The following PEAR1 variants were observed in gnomAD, a reference collection of about 807,000 sequenced individuals.
The protein encoded by PEAR1 is multiple EGF-like domains protein 12.
A neutral mutation model predicts 131.2 loss-of-function variants in PEAR1; 113 were observed. That is an observed-to-expected ratio of 0.86 (90% CI 0.74 to 1.01). PEAR1 has a LOEUF of 1.01. Among genes scored for constraint, PEAR1 ranks in the 50% least tolerant of loss-of-function variants. The pLI, the probability that PEAR1 is intolerant of heterozygous loss-of-function variation, is 0.00. For synonymous variants in PEAR1, 565 were observed against 523.3 expected (o/e 1.08, Z -1.09); for missense variants, 1,408 against 1,391.1 (o/e 1.01, Z -0.19).
chr1:156,897,635 G>A (rs950687408), intron 1 of PEAR1, among the ~76,000 whole-genome samples: 3 of 152,258 alleles, frequency 2.0e-5, no homozygotes, highest in Non-Finnish European at 4.4e-5. Flanking sequence ...TTGAGGCCAC[G>A]CGGGTCTGTG....
At position 156,910,653 on chromosome 1, in the gene PEAR1, C is replaced by T; in HGVS notation, c.1861C>T (p.Pro621Ser). The part of the protein sequence containing the change: ...QPGRYGKRCV[P>S]CKCANHSFCH... ...TGGCCGCTATGGCAAACGCTGTGTGCCCTGCAAGTGCGCTAACCACTCCTT... is the reference window on the plus strand; with the variant it reads ...TGGCCGCTATGGCAAACGCTGTGTGTCCTGCAAGTGCGCTAACCACTCCTT... The change falls in exon 15 of 23, where the codon CCC (proline) becomes TCC (serine). Residue 621 changes from proline to serine, a missense_variant. Transcript: ENST00000292357. 3 of 1,614,136 alleles carry T rather than the reference C, an allele frequency of 1.9e-6. No individual in the cohort carries two copies. Among genetic ancestry groups the T allele is most frequent in the Non-Finnish European group, 2.5e-6 (3 of 1,180,036 alleles).
intron 4 of PEAR1, 142 bp from the exon 5 acceptor site, chr1:156,906,134 C>A: frequency 1.5e-6 from 1 of 667,554 alleles, no homozygotes; most frequent in Non-Finnish European, 2.6e-6. Flanking sequence ...TGCTGCCCCT[C>A]AGTCTTTATC....
chr1:156,908,640 C>A lies in PEAR1; in HGVS notation c.1116-15C>A, dbSNP rs992998880. The A allele has an allele frequency of 6.6e-7, 1 of 1,512,284 alleles. No individual in the cohort carries two copies. The highest frequency in any genetic ancestry group is 8.8e-7 in the Non-Finnish European group (1 of 1,134,086). The allele number at this position is 1,512,284 out of a possible 1,614,324, so 93.7% of individuals were successfully genotyped here. On this transcript the variant is annotated splice_polypyrimidine_tract_variant and intron_variant, in intron 9 of 22. Coordinates refer to ENST00000292357, the MANE Select transcript of PEAR1 (RefSeq NM_001080471.3). The surrounding 1 kb of genome is among the most constrained non-coding windows in gnomAD (Gnocchi z 4.2). Reference sequence around the variant, plus strand: ...CCCAGCTCAGACCGCGCCACGCCCCCGCCTCTGCCCCCAGCTGCCACCCGA... The same window carrying A: ...CCCAGCTCAGACCGCGCCACGCCCCAGCCTCTGCCCCCAGCTGCCACCCGA...
Position 156,908,729 on chromosome 1 carries a change from A to G in PEAR1, c.1190A>G (p.Gln397Arg). ...CTCCACTGCAACGAGAGCTGCCCGC[A>G]GGACACGCATGGGCCAGGGTGCCAG... The part of the protein sequence containing the change: ...AGLHCNESCP[Q>R]DTHGPGCQEH... The change falls in exon 10 of 23, where the codon CAG becomes CGG. Residue 397 changes from glutamine (Q) to arginine (R), a missense_variant. By Grantham distance (43) the Gln-to-Arg change is conservative. Coordinates refer to ENST00000292357, the MANE Select transcript of PEAR1 (RefSeq NM_001080471.3). This position sits in a 1 kb window ranked among gnomAD's most constrained non-coding sequence, Gnocchi z 4.2. 1.3e-6 allele frequency: 2 copies of G among 1,558,310 alleles called. No individual in the cohort carries two copies. The highest frequency in any genetic ancestry group is 2.4e-5 in the East Asian group (1 of 41,738).
In PEAR1 at chr1:156,915,341, CT is replaced by C. The variant is rs1185360356; in HGVS notation, c.*545del. On this transcript the variant is annotated 3_prime_UTR_variant, in exon 23 of 23. Coordinates refer to ENST00000292357, the MANE Select transcript of PEAR1 (RefSeq NM_001080471.3). Reference sequence around the variant, plus strand: ...GGTTAGTTACTCCCTACCTGAAAGCCTTCATAGGTGCCTCTTTGCTCTTCTG... The same window carrying C: ...GGTTAGTTACTCCCTACCTGAAAGCCTCATAGGTGCCTCTTTGCTCTTCTG... 6.6e-6 allele frequency: 1 copy of C among 152,292 alleles called. No individual in the cohort carries two copies. Among genetic ancestry groups the C allele is most frequent in the African/African-American group, 2.4e-5 (1 of 41,452 alleles). 9.4% of individuals were successfully genotyped at this position (152,292 alleles called of 1,614,324 possible).
At chr1:156,906,223 A>G in intron 4 of PEAR1, 53 bp from the exon 5 acceptor site, 1 of 1,553,496 alleles carries the variant, frequency 6.4e-7, no homozygotes, top group Non-Finnish European at 8.9e-7. Flanking sequence ...GCAGGATAAA[A>G]GCTGGGTAGG....
chr1:156,913,965 T>A lies in PEAR1; in HGVS notation c.2827T>A (p.Tyr943Asn). 6.2e-7 allele frequency: 1 copy of A among 1,613,938 alleles called. No individual in the cohort carries two copies. The highest frequency in any genetic ancestry group is 8.5e-7 in the Non-Finnish European group (1 of 1,179,976). ...GCCAGGGGGCCCCCGGGAGAGCAGC[T>A]ACATGGAGATGAAAGGCCCTCCCTC... is the stretch of plus-strand genomic sequence containing the variant. ...SLPGGPRESS[Y>N]MEMKGPPSGS... The change falls in exon 22 of 23, where the codon TAC becomes AAC. Residue 943 changes from tyrosine to asparagine, a missense_variant. Physicochemically the swap from Tyr to Asn is moderately radical, Grantham distance 143 (BLOSUM62 -2). Coordinates refer to ENST00000292357, the MANE Select transcript of PEAR1 (RefSeq NM_001080471.3).
chr1:156,911,705 A>G (rs143626322), intron 15 of PEAR1, among the ~76,000 whole-genome samples: 72 of 152,258 alleles, frequency 4.7e-4, no homozygotes, highest in Non-Finnish European at 8.8e-4. Context: ...ATCATTGAAA[A>G]GATTAGTCCA....
intron 11 of PEAR1, among the ~76,000 whole-genome samples, chr1:156,909,292 C>A (rs1417928640): frequency 6.6e-6 from 1 of 152,196 alleles, no homozygotes; most frequent in East Asian, 1.9e-4. Context: ...CGTCCCTCAC[C>A]CTCAGTCATA....
intron 5 of PEAR1, 83 bp downstream of exon 5, chr1:156,906,451 A>G: frequency 6.4e-7 from 1 of 1,562,686 alleles, no homozygotes; most frequent in Non-Finnish European, 8.8e-7. Flanking sequence ...CTACCAGGGC[A>G]CAGGGGCTTA....
Position 156,913,228 on chromosome 1 carries a change from C to T in PEAR1, c.2457C>T (p.Asn819=), listed in dbSNP as rs1270750661. The change falls in exon 19 of 23, where the codon AAC becomes AAT. Residue 819 remains asparagine, a synonymous_variant. Transcript: ENST00000292357. ...CGAGCTACAGTCACTACTACTCCAA[C>T]CCCAGCTACCACACCCTGTCGCAGT... The part of the protein sequence containing the change: ...VPPSYSHYYS[N]PSYHTLSQCS... 2 of 1,613,782 alleles carry T rather than the reference C, an allele frequency of 1.2e-6. No homozygotes were observed. Among genetic ancestry groups the T allele is most frequent in the East Asian group, 4.5e-5 (2 of 44,888 alleles).
At chr1:156,910,488 C>T (rs1650935500) in intron 14 of PEAR1, 108 bp downstream of exon 14, 5 of 1,544,728 alleles carry the variant, frequency 3.2e-6, no homozygotes, top group Non-Finnish European at 4.4e-6. Flanking sequence ...TCCCACCTTA[C>T]CCCCGGTCTC....
At chr1:156,895,298 A>T (rs2102952536) in intron 1 of PEAR1, among the ~76,000 whole-genome samples, 1 of 152,324 alleles carries the variant, frequency 6.6e-6, no homozygotes, top group South Asian at 2.1e-4. Context: ...AGAGAGATAG[A>T]AGGTCATGGG....
chr1:156,908,197 C>T lies in PEAR1; in HGVS notation c.972C>T (p.Asp324=), dbSNP rs752184137. The change falls in exon 9 of 23, where the codon GAC becomes GAT. Residue 324 remains aspartate, a synonymous_variant. Coordinates refer to ENST00000292357, the MANE Select transcript of PEAR1 (RefSeq NM_001080471.3). The surrounding 1 kb of genome is among the most constrained non-coding windows in gnomAD (Gnocchi z 4.2). ...CTGAGACGTGCGACTGCGCCCCGGA[C>T]GCCCGTTGCTTCCCGGCCAACGGCG... The part of the protein sequence containing the change: ...DCAETCDCAP[D]ARCFPANGAC... The T allele has an allele frequency of 2.8e-5, 45 of 1,603,152 alleles. No individual in the cohort carries two copies. The South Asian group carries it at 4.9e-4, about 17-fold the overall frequency.
Position 156,912,492 on chromosome 1 carries a change from A to ATTT in PEAR1, c.2081-2_2081-1insTTT, listed in dbSNP as rs1281572525. 2 of 1,612,028 alleles carry ATTT rather than the reference A, an allele frequency of 1.2e-6. No homozygotes were observed. The highest frequency in any genetic ancestry group is 2.7e-5 in the African/African-American group (2 of 74,824). On this transcript the variant is annotated splice_acceptor_variant, in intron 16 of 22. Coordinates refer to ENST00000292357, the MANE Select transcript of PEAR1 (RefSeq NM_001080471.3). LOFTEE classifies it high-confidence loss of function. ...GGCCTGCCTCCTTGGCTGTCTCCCC[A>ATTT]GGCTGCCCTCTGGGGACATTTGGTG... is the stretch of plus-strand genomic sequence containing the variant.
Position 156,914,696 on chromosome 1 carries a change from C to G in PEAR1, c.3012C>G (p.Pro1004=), listed in dbSNP as rs112445800. Residue 1004 remains proline, a synonymous_variant, in exon 23 of 23, where the codon CCC becomes CCG. Transcript: ENST00000292357. Reference sequence around the variant, plus strand: ...CCCCTCTGCCTCCGGGCCTACCCCCCGGCCACTATGACTCACCCAAGAACA... The same window carrying G: ...CCCCTCTGCCTCCGGGCCTACCCCCGGGCCACTATGACTCACCCAAGAACA... ...SQPPLPPGLP[P]GHYDSPKNSH... is the part of the protein sequence containing the mutation. 1 of 1,613,944 alleles carries G rather than the reference C, an allele frequency of 6.2e-7. No homozygotes were observed. Among genetic ancestry groups the G allele is most frequent in the East Asian group, 2.2e-5 (1 of 44,874 alleles).
rs1363657159 is a variant in PEAR1 at position 156,912,323 on chromosome 1, G to A, written c.2028G>A (p.Gln676=). ...ACCATGGTGGGACCTGCCATCCCCA[G>A]GATGGGAGCTGTATCTGCCCCCTAG... ...QCHHGGTCHP[Q]DGSCICPLGW... The change falls in exon 16 of 23, where the codon CAG becomes CAA. Residue 676 remains glutamine (Q), a synonymous_variant. Transcript: ENST00000292357. The A allele has an allele frequency of 6.2e-7, 1 of 1,613,934 alleles. No individual in the cohort carries two copies. Among genetic ancestry groups the A allele is most frequent in the Non-Finnish European group, 8.5e-7 (1 of 1,179,998 alleles).
Position 156,912,873 on chromosome 1 carries a change from G to A in PEAR1, c.2313G>A (p.Leu771=). The change falls in exon 18 of 23, where the codon CTG becomes CTA. Residue 771 remains leucine (L), a synonymous_variant. Coordinates refer to ENST00000292357, the MANE Select transcript of PEAR1 (RefSeq NM_001080471.3). ...TGCTGGGGTCCCTTGTGGTAGCCCT[G>A]GTGGCACTGTTCATTGGCTATCGGC... ...IAVLGSLVVA[L]VALFIGYRHW... is the part of the protein sequence containing the mutation. 1 of 1,614,244 alleles carries A rather than the reference G, an allele frequency of 6.2e-7. No homozygotes were observed. Among genetic ancestry groups the A allele is most frequent in the Non-Finnish European group, 8.5e-7 (1 of 1,180,050 alleles).
chr1:156,908,584 G>A lies in PEAR1; in HGVS notation c.1116-71G>A, dbSNP rs1478456457. The A allele has an allele frequency of 2.9e-6, 4 of 1,398,850 alleles. 1 individual carries two copies. The East Asian group carries it at 1.0e-4, about 35-fold the overall frequency. The allele number at this position is 1,398,850 out of a possible 1,614,324, so 86.7% of individuals were successfully genotyped here. A position where few individuals can be genotyped will look rare whatever the true frequency, so the allele number is the denominator to read the frequency against. Reference sequence around the variant, plus strand: ...GCGATGTGCGAATCCCACTGACCACGCGGAGGGGTCGGGAAGCTGCCCTGC... The same window carrying A: ...GCGATGTGCGAATCCCACTGACCACACGGAGGGGTCGGGAAGCTGCCCTGC... On this transcript the variant is annotated intron_variant, in intron 9 of 22. Transcript: ENST00000292357. This position sits in a 1 kb window ranked among gnomAD's most constrained non-coding sequence, Gnocchi z 4.2.
Sources: gnomAD v4.1 joint callset for allele counts (sites outside exome capture counted in the v4.1 genomes callset) on GRCh38, gnomAD v4.1.1 for gene constraint, Gnocchi (gnomAD v3.1) non-coding constraint, MANE v1.5 for transcripts, NCBI Gene and HGNC (gene_info 2026-07-23, HGNC 2026-07-21) for gene names.